The following L3MBTL4 variants were observed in gnomAD, a reference collection of about 807,000 sequenced individuals.
The protein encoded by L3MBTL4 is L3MBTL histone methyl-lysine binding protein 4.
L3MBTL4 carries 70 observed loss-of-function variants against 84.5 expected under a neutral mutation model. That is an observed-to-expected ratio of 0.83 (90% CI 0.68 to 1.01). The LOEUF is 1.01. Among genes scored for constraint, L3MBTL4 ranks in the 50% least tolerant of loss-of-function variants. L3MBTL4 has a pLI of 0.00. For synonymous variants in L3MBTL4, 274 were observed against 259.8 expected, an observed-to-expected ratio of 1.05 and a Z score of -0.52; for missense variants, 715 against 754.8, an observed-to-expected ratio of 0.95 and a Z score of 0.62.
chr18:6,399,776 T>C (rs2055435635), intron 1 of L3MBTL4: 1 of 152,334 alleles, frequency 6.6e-6, no homozygotes, highest in East Asian at 1.9e-4. Context: ...TATAATGAAA[T>C]ATTCAGAATA....
chr18:6,223,262 G>A (rs935623716), intron 10 of L3MBTL4, among the ~76,000 whole-genome samples: 11 of 151,964 alleles, frequency 7.2e-5, no homozygotes, highest in African/African-American at 1.9e-4. Flanking sequence ...TTAAAAATGC[G>A]GAAATAAACA....
chr18:6,311,659 G>A lies in L3MBTL4; in HGVS notation c.-31-3C>T. 6.4e-7 allele frequency: 1 copy of A among 1,562,716 alleles called. No individual in the cohort carries two copies. Among genetic ancestry groups the A allele is most frequent in the South Asian group, 1.1e-5 (1 of 90,074 alleles). On this transcript the variant is annotated splice_region_variant and splice_polypyrimidine_tract_variant and intron_variant, in intron 2 of 18. Coordinates refer to ENST00000317931, the MANE Select transcript of L3MBTL4 (RefSeq NM_001330559.2). ...CCGCACTCCTTGGCAGTGGTTTTCT[G>A]TAAAACAGGGTTACATAAGAAGTTG...
chr18:6,043,238 G>C (rs549055296), intron 16 of L3MBTL4, among the ~76,000 whole-genome samples: 1 of 152,150 alleles, frequency 6.6e-6, no homozygotes, highest in South Asian at 2.1e-4. Context: ...TCCACTCCCT[G>C]ATCATTTACT....
intron 16 of L3MBTL4, among the ~76,000 whole-genome samples, chr18:5,972,715 G>C (rs1185655404): frequency 6.6e-6 from 1 of 152,100 alleles, no homozygotes; most frequent in Non-Finnish European, 1.5e-5. Flanking sequence ...AAAAATGCTT[G>C]TGTGTACTTG....
intron 10 of L3MBTL4, among the ~76,000 whole-genome samples, chr18:6,232,252 T>C (rs1461163911): frequency 6.6e-6 from 1 of 152,148 alleles, no homozygotes; most frequent in African/African-American, 2.4e-5. Flanking sequence ...TTATGGTGTA[T>C]GTAATCTTTT....
chr18:6,345,420 AC>A lies in L3MBTL4; in HGVS notation c.-90-33365del, dbSNP rs200130044. 8.1e-4 allele frequency among the ~76,000 whole-genome samples: 122 copies of A among 151,396 alleles called. 1 individual carries two copies. Among genetic ancestry groups the A allele is most frequent in the African/African-American group, 2.8e-3 (116 of 41,364 alleles). On this transcript the variant is annotated intron_variant, in intron 1 of 18. Transcript: ENST00000317931. ...CAAAAACAAACAAACAAACAAACAA[AC>A]AAAAAAAACCATAAAGATTCCACCA...
intron 12 of L3MBTL4, among the ~76,000 whole-genome samples, chr18:6,184,672 G>C (rs2044636581): frequency 6.6e-6 from 1 of 152,146 alleles, no homozygotes; most frequent in Non-Finnish European, 1.5e-5. Context: ...AGATGTAGTG[G>C]GTAAACAAGG....
intron 1 of L3MBTL4, among the ~76,000 whole-genome samples, chr18:6,403,285 TAAGTA>T (rs768286668): frequency 5.4e-4 from 83 of 152,334 alleles, no homozygotes; most frequent in Non-Finnish European, 9.7e-4. Context: ...CTGTGTATAT[TAAGTA>T]AAGGCTTTAC....
chr18:6,184,806 G>A (rs560735240), intron 12 of L3MBTL4, among the ~76,000 whole-genome samples: 1 of 152,280 alleles, frequency 6.6e-6, no homozygotes, highest in African/African-American at 2.4e-5. Context: ...TCAGAACCCC[G>A]CGTAAAAGTG....
At chr18:6,098,284 T>G (rs1320277552) in intron 14 of L3MBTL4, among the ~76,000 whole-genome samples, 1 of 152,182 alleles carries the variant, frequency 6.6e-6, no homozygotes, top group Non-Finnish European at 1.5e-5. Context: ...CTTCCCAGCC[T>G]GTGTGCGGCT....
In L3MBTL4 at chr18:6,251,409, T is replaced by C. The variant is rs1048113444; in HGVS notation, c.220-6821A>G. On this transcript the variant is annotated intron_variant, in intron 5 of 18. Transcript: ENST00000317931. ...ATATAAGATAGAGAAGGAATAGTTA[T>C]AGAGCCTAAGCTGTCCTTTATCAAG... Among the ~76,000 whole-genome samples the C allele has an allele frequency of 3.9e-5, 6 of 152,260 alleles. No homozygotes were observed. The South Asian group carries it at 1.0e-3, about 26-fold the overall frequency.
rs187174773 is a variant in L3MBTL4, at chr18:6,187,190, C to T, written c.982-15248G>A. On this transcript the variant is annotated intron_variant, in intron 12 of 18. Transcript: ENST00000317931. Reference sequence around the variant, plus strand: ...TTAGCATATATATTTGAGTTTTAAACTCAAGGTAGATGCTGTTTTTAGCAT... The same window carrying T: ...TTAGCATATATATTTGAGTTTTAAATTCAAGGTAGATGCTGTTTTTAGCAT... Among the ~76,000 whole-genome samples, 128 of 152,234 alleles carry T rather than the reference C, an allele frequency of 8.4e-4. 1 individual carries two copies. Among genetic ancestry groups the T allele is most frequent in the Middle Eastern group, 3.4e-3 (1 of 294 alleles).
chr18:6,166,591 C>A (rs1331337191), intron 13 of L3MBTL4, among the ~76,000 whole-genome samples: 2 of 152,070 alleles, frequency 1.3e-5, no homozygotes, highest in African/African-American at 2.4e-5. Context: ...GGGTACATAA[C>A]AAAATGAAGG....
chr18:6,125,116 T>C (rs1339825045), intron 14 of L3MBTL4, among the ~76,000 whole-genome samples: 1 of 150,496 alleles, frequency 6.6e-6, no homozygotes, highest in Non-Finnish European at 1.5e-5. Flanking sequence ...AACATTTGGG[T>C]GGATAGATGC....
intron 17 of L3MBTL4, among the ~76,000 whole-genome samples, chr18:5,961,008 G>C (rs1383643770): frequency 3.3e-5 from 5 of 152,228 alleles, no homozygotes; most frequent in African/African-American, 9.7e-5. Flanking sequence ...GCTAGCTCCA[G>C]TCCTGTCGCA....
chr18:6,151,559 A>AT lies in L3MBTL4; in HGVS notation c.1097-13264dup, dbSNP rs553231703. Among the ~76,000 whole-genome samples the AT allele has an allele frequency of 3.2e-3, 485 of 151,942 alleles. 2 individuals carry two copies. The highest frequency in any genetic ancestry group is 0.011 in the African/African-American group (450 of 41,432). On this transcript the variant is annotated intron_variant, in intron 13 of 18. Coordinates refer to ENST00000317931, the MANE Select transcript of L3MBTL4 (RefSeq NM_001330559.2). ...AGGCACGCGCCACCAGGCACGGCTA[A>AT]TTTTTTTGTATTTTTAGTAGAGACG...
chr18:6,026,681 G>A (rs1056657158), intron 16 of L3MBTL4, among the ~76,000 whole-genome samples: 3 of 152,092 alleles, frequency 2.0e-5, no homozygotes, highest in Non-Finnish European at 4.4e-5. Flanking sequence ...TCAACACCAT[G>A]GGCTGTTTAG....
At chr18:6,171,131 A>G (rs1326420867) in intron 13 of L3MBTL4, among the ~76,000 whole-genome samples, 6 of 152,218 alleles carry the variant, frequency 3.9e-5, no homozygotes, top group African/African-American at 1.4e-4. Flanking sequence ...AAAGCATTCT[A>G]GCTTCATGCT....
chr18:6,238,259 C>T lies in L3MBTL4; in HGVS notation c.708-219G>A, dbSNP rs548628786. On this transcript the variant is annotated intron_variant, in intron 9 of 18. Coordinates refer to ENST00000317931, the MANE Select transcript of L3MBTL4 (RefSeq NM_001330559.2). The stretch of plus-strand genomic sequence containing the variant: ...ATTTAAAAGTATAAAATTGGCTGGG[C>T]GCGGTGGCTCACGCCTGTAATCCCA... Among the ~76,000 whole-genome samples the T allele has an allele frequency of 9.9e-5, 15 of 152,262 alleles. No homozygotes were observed. The East Asian group carries it at 1.5e-3, about 16-fold the overall frequency.
Sources: allele counts gnomAD v4.1 joint callset (sites outside exome capture counted in the v4.1 genomes callset), GRCh38; gene constraint gnomAD v4.1.1; transcripts MANE v1.5; gene names NCBI Gene and HGNC (gene_info 2026-07-23, HGNC 2026-07-21).